C12orf42: variants seen among roughly 807,000 people sequenced by gnomAD.
C12orf42 encodes uncharacterized protein C12orf42.
C12orf42 carries 25 observed loss-of-function variants against 21.6 expected under a neutral mutation model. The ratio of observed to expected loss-of-function variants is 1.16; its 90% CI spans 0.84 to 1.62. The LOEUF (loss-of-function observed/expected upper bound fraction) is 1.62, where lower values mean the gene tolerates loss of function less well. C12orf42 is among the 40% of genes most tolerant of loss of function. The pLI, the probability that C12orf42 is intolerant of heterozygous loss-of-function variation, is 0.00. For missense variants in C12orf42, 483 were observed against 459.3 expected (o/e 1.05, Z -0.47); for synonymous variants, 174 against 175.0 (o/e 0.99, Z 0.05).
the C12orf42 span, among the ~76,000 whole-genome samples, chr12:103,103,833 G>A: frequency 4.1e-5 from 6 of 144,636 alleles, no homozygotes; most frequent in South Asian, 4.3e-4. Context: ...ACGGAGTCTC[G>A]CTCTGTCGCC....
chr12:103,149,869 T>C, the C12orf42 span, among the ~76,000 whole-genome samples: 2 of 152,208 alleles, frequency 1.3e-5, no homozygotes. Context: ...AAGATTTCAT[T>C]TTTTTATTCA....
the C12orf42 span, among the ~76,000 whole-genome samples, chr12:103,200,576 G>A: frequency 6.6e-6 from 1 of 152,222 alleles, no homozygotes; most frequent in Admixed American, 6.5e-5. Flanking sequence ...CTTCGCAGGT[G>A]TGTACTCAGC....
chr12:103,346,546 C>T (rs1046791425), intron 4 of C12orf42, among the ~76,000 whole-genome samples: 21 of 152,094 alleles, frequency 1.4e-4, no homozygotes, highest in Admixed American at 1.4e-3. Context: ...CATCTCTGTG[C>T]CACGCAAGAG....
chr12:103,314,930 A>G (rs1337485660), intron 4 of C12orf42, among the ~76,000 whole-genome samples: 1 of 152,204 alleles, frequency 6.6e-6, no homozygotes, highest in Non-Finnish European at 1.5e-5. Flanking sequence ...CTTCAGTATA[A>G]TAACGGTGGA....
At chr12:103,256,107 TATATACACACACAC>T (rs1215730029) in intron 10 of C12orf42, among the ~76,000 whole-genome samples, 25 of 39,044 alleles carry the variant, frequency 6.4e-4, no homozygotes, top group African/African-American at 1.9e-3. Context: ...TATATATATA[TATATACACACACAC>T]ACACACACAC....
chr12:103,238,693 T>C (rs1277985119), intron 10 of C12orf42, among the ~76,000 whole-genome samples: 1 of 152,158 alleles, frequency 6.6e-6, no homozygotes, highest in East Asian at 1.9e-4. Flanking sequence ...GCCCTTGATC[T>C]AGGAAAACAG....
At chr12:103,099,803 A>C in the C12orf42 span, among the ~76,000 whole-genome samples, 413 of 152,338 alleles carry the variant, frequency 2.7e-3, 5 homozygotes, top group African/African-American at 9.6e-3. Flanking sequence ...AATATAGATT[A>C]GAAAGTTTGC....
intron 2 of C12orf42, among the ~76,000 whole-genome samples, chr12:103,408,920 T>C (rs564314359): frequency 6.6e-6 from 1 of 152,194 alleles, no homozygotes; most frequent in Non-Finnish European, 1.5e-5. Context: ...AGCAATTTCA[T>C]TATAAATAAA....
intron 2 of C12orf42, among the ~76,000 whole-genome samples, chr12:103,432,573 A>G (rs1950344842): frequency 1.3e-5 from 2 of 152,368 alleles, no homozygotes; most frequent in South Asian, 4.1e-4. Flanking sequence ...GAGAGATAGT[A>G]TGTAATGCTC....
chr12:103,488,966 T>C (rs996902458), intron 1 of C12orf42, among the ~76,000 whole-genome samples: 1 of 152,214 alleles, frequency 6.6e-6, no homozygotes, highest in Non-Finnish European at 1.5e-5. Context: ...TCAAAGTCAT[T>C]CTCCAACCAG....
At chr12:103,300,604 A>C (rs1379979698), downstream of C12orf42, among the ~76,000 whole-genome samples, 1 of 152,212 alleles carries the variant, frequency 6.6e-6, no homozygotes, top group Non-Finnish European at 1.5e-5. Context: ...ACCATTACAA[A>C]TTTTTGGTTA....
chr12:103,385,831 C>G (rs560412099), intron 3 of C12orf42, among the ~76,000 whole-genome samples: 2 of 152,298 alleles, frequency 1.3e-5, no homozygotes, highest in African/African-American at 4.8e-5. Flanking sequence ...TACCCTCACA[C>G]TTTGCTTAAA....
the C12orf42 span, among the ~76,000 whole-genome samples, chr12:103,051,312 G>C: frequency 2.0e-5 from 3 of 152,168 alleles, no homozygotes; most frequent in African/African-American, 7.2e-5. Context: ...CTCTCTCTTC[G>C]GTTATATTAG....
intron 2 of C12orf42, among the ~76,000 whole-genome samples, chr12:103,432,823 T>A (rs1950365960): frequency 6.6e-6 from 1 of 152,102 alleles, no homozygotes; most frequent in African/African-American, 2.4e-5. Context: ...AAGGTGGCCA[T>A]CAGCAAGACA....
chr12:103,476,368 C>A (rs1954052198), intron 2 of C12orf42, among the ~76,000 whole-genome samples: 1 of 152,232 alleles, frequency 6.6e-6, no homozygotes, highest in African/African-American at 2.4e-5. Flanking sequence ...CAGCTCCAGG[C>A]TATATCCTTG....
At chr12:103,419,876 C>T (rs549661265) in intron 2 of C12orf42, among the ~76,000 whole-genome samples, 1 of 152,240 alleles carries the variant, frequency 6.6e-6, no homozygotes, top group South Asian at 2.1e-4. Context: ...AGAAGGTTTT[C>T]TGCCACAAAA....
At chr12:103,050,666 C>A in the C12orf42 span, among the ~76,000 whole-genome samples, 14 of 152,046 alleles carry the variant, frequency 9.2e-5, no homozygotes, top group African/African-American at 3.4e-4. Context: ...TCAGAGCAAC[C>A]ATTGCAGAGA....
At chr12:103,302,639 C>T in intron 5 of C12orf42, 80 bp from the exon 6 acceptor site, 1 of 1,197,362 alleles carries the variant, frequency 8.4e-7, no homozygotes, top group East Asian at 2.4e-5. Context: ...GACAACTGGA[C>T]GTCTGAGAAA....
the C12orf42 span, among the ~76,000 whole-genome samples, chr12:103,104,177 G>C: frequency 1.3e-5 from 2 of 152,164 alleles, no homozygotes; most frequent in Non-Finnish European, 2.9e-5. Context: ...GATTACCTGT[G>C]AGCACTTGCA....
Sources: gnomAD v4.1 joint callset for allele counts (sites outside exome capture counted in the v4.1 genomes callset) on GRCh38, gnomAD v4.1.1 for gene constraint, MANE v1.5 for transcripts, NCBI Gene and HGNC (gene_info 2026-07-23, HGNC 2026-07-21) for gene names.